FNIP1: variants seen among roughly 807,000 people sequenced by gnomAD.
FNIP1 encodes the protein folliculin-interacting protein 1.
Under a neutral mutation model 124.5 loss-of-function variants are expected in FNIP1, and 40 were observed. The observed-to-expected ratio is 0.32, with a 90% CI of 0.25 to 0.42. FNIP1 has a LOEUF of 0.42. Among genes scored for constraint, FNIP1 ranks in the 10% least tolerant of loss-of-function variants. The pLI, the probability that FNIP1 is intolerant of heterozygous loss-of-function variation, is 1.00. For synonymous variants in FNIP1, 472 were observed against 470.6 expected (o/e 1.00, Z -0.04); for missense variants, 1,176 against 1,403.7 (o/e 0.84, Z 2.59).
At position 131,737,741 on chromosome 5, in the gene FNIP1, T is replaced by C. The variant is rs183730989; in HGVS notation, c.220-6703A>G. Among the ~76,000 whole-genome samples, 342 of 152,358 alleles carry C rather than the reference T, an allele frequency of 2.2e-3. 1 individual carries two copies. The highest frequency in any genetic ancestry group is 7.8e-3 in the African/African-American group (324 of 41,586). Reference sequence around the variant, plus strand: ...AGTTAGCTGCTGCTATCATTATTACTTTTATTAGACATACTTGGAATACAC... The same window carrying C: ...AGTTAGCTGCTGCTATCATTATTACCTTTATTAGACATACTTGGAATACAC... On this transcript the variant is annotated intron_variant, in intron 2 of 17. Coordinates refer to ENST00000510461, the MANE Select transcript of FNIP1 (RefSeq NM_133372.3).
At chr5:131,661,532 G>C (rs1417183184) in intron 15 of FNIP1, among the ~76,000 whole-genome samples, 1 of 152,172 alleles carries the variant, frequency 6.6e-6, no homozygotes, top group African/African-American at 2.4e-5. Flanking sequence ...AAAGTGACTA[G>C]TGTCTGTTTT....
At chr5:131,764,053 C>G (rs1442401170) in intron 1 of FNIP1, among the ~76,000 whole-genome samples, 1 of 151,978 alleles carries the variant, frequency 6.6e-6, no homozygotes, top group African/African-American at 2.4e-5. Context: ...CTCTTGAGAT[C>G]TGGTTGTTTA....
intron 11 of FNIP1, among the ~76,000 whole-genome samples, chr5:131,686,393 G>T (rs1249955244): frequency 6.6e-6 from 1 of 152,108 alleles, no homozygotes; most frequent in Non-Finnish European, 1.5e-5. Flanking sequence ...CACCCAGGCT[G>T]AAGTGCAGTG....
chr5:131,746,014 G>A (rs1770666144), intron 1 of FNIP1, among the ~76,000 whole-genome samples: 1 of 152,144 alleles, frequency 6.6e-6, no homozygotes, highest in Admixed American at 6.5e-5. Context: ...AGATAGTGCT[G>A]ACATGGATCT....
At chr5:131,706,645 A>C in intron 8 of FNIP1, 99 bp from the exon 9 acceptor site, 1 of 1,236,712 alleles carries the variant, frequency 8.1e-7, no homozygotes, top group Non-Finnish European at 1.1e-6. Context: ...GTTAAACTTT[A>C]TTTTGCTTCA....
chr5:131,691,125 C>A (rs149848222), intron 11 of FNIP1, among the ~76,000 whole-genome samples: 103 of 152,228 alleles, frequency 6.8e-4, no homozygotes, highest in Middle Eastern at 3.4e-3. Context: ...CACACCTTAG[C>A]AAATTTAAAA....
At chr5:131,755,442 G>GAAGAAA (rs996728548) in intron 1 of FNIP1, among the ~76,000 whole-genome samples, 26 of 150,628 alleles carry the variant, frequency 1.7e-4, no homozygotes, top group African/African-American at 5.9e-4. Context: ...AAACGAAGAA[G>GAAGAAA]AAGAAAAAGA....
chr5:131,690,056 T>TA (rs1161572877), intron 11 of FNIP1, among the ~76,000 whole-genome samples: 3 of 151,600 alleles, frequency 2.0e-5, no homozygotes, highest in Non-Finnish European at 4.4e-5. Context: ...CCATCTCTAC[T>TA]AAAAATACAA....
At position 131,644,715 on chromosome 5, in the gene FNIP1, G is replaced by C; in HGVS notation, c.3471C>G (p.His1157Gln). 1 of 1,613,964 alleles carries C rather than the reference G, an allele frequency of 6.2e-7. No individual in the cohort carries two copies. Among genetic ancestry groups the C allele is most frequent in the Non-Finnish European group, 8.5e-7 (1 of 1,179,932 alleles). The change falls in exon 18 of 18, where the codon CAC becomes CAG. Residue 1157 changes from histidine (H) to glutamine (Q), a missense_variant. This residue lies in a region of FNIP1 where 67 missense variants were observed against 115.2 expected (regional missense o/e 0.58). Coordinates refer to ENST00000510461, the MANE Select transcript of FNIP1 (RefSeq NM_133372.3). The part of the protein sequence containing the change: ...LPLLAAVAST[H>Q]SPYVAQILL ...GGAGTATTTGTGCAACATATGGAGA[G>C]TGAGTGCTTGCTACAGCAGCCAGAA...
At chr5:131,698,517 G>C (rs914760058) in intron 11 of FNIP1, among the ~76,000 whole-genome samples, 2 of 152,174 alleles carry the variant, frequency 1.3e-5, no homozygotes, top group Non-Finnish European at 2.9e-5. Context: ...AAGCCATTTA[G>C]AATATCAAGT....
At chr5:131,726,070 T>C (rs1051110833) in intron 3 of FNIP1, among the ~76,000 whole-genome samples, 2 of 152,146 alleles carry the variant, frequency 1.3e-5, no homozygotes, top group Non-Finnish European at 2.9e-5. Flanking sequence ...GATAGGCTTT[T>C]TGGTGTGCTG....
At chr5:131,709,342 A>C (rs946789426) in intron 7 of FNIP1, 70 bp from the exon 8 acceptor site, 1 of 1,309,282 alleles carries the variant, frequency 7.6e-7, no homozygotes, top group African/African-American at 1.5e-5. Flanking sequence ...GCTCCTTTTA[A>C]ATAGCAAACG....
At chr5:131,767,200 G>A (rs548655625) in intron 1 of FNIP1, among the ~76,000 whole-genome samples, 7 of 152,102 alleles carry the variant, frequency 4.6e-5, no homozygotes, top group South Asian at 4.1e-4. Context: ...TTGGGAGGCC[G>A]AGGTGGGCAG....
chr5:131,734,676 G>T (rs1020332085), intron 2 of FNIP1, among the ~76,000 whole-genome samples: 3 of 152,186 alleles, frequency 2.0e-5, no homozygotes, highest in African/African-American at 7.2e-5. Flanking sequence ...CCTCTCAAAA[G>T]AAGACATTTA....
intron 1 of FNIP1, among the ~76,000 whole-genome samples, chr5:131,747,503 C>T (rs1770721423): frequency 6.6e-6 from 1 of 152,054 alleles, no homozygotes; most frequent in Non-Finnish European, 1.5e-5. Context: ...GCTTTCATAC[C>T]ATGCAAAGGA....
In FNIP1 at chr5:131,770,055, C is replaced by T. The variant is rs181961955; in HGVS notation, c.93-25365G>A. On this transcript the variant is annotated intron_variant, in intron 1 of 17. Coordinates refer to ENST00000510461, the MANE Select transcript of FNIP1 (RefSeq NM_133372.3). ...TATCTATAACAAATTGAGGTTCATG[C>T]AGTAAACAAGAAAACACAATAGTTC... Among the ~76,000 whole-genome samples the T allele has an allele frequency of 1.2e-4, 19 of 152,316 alleles. No homozygotes were observed. The East Asian group carries it at 2.3e-3, about 19-fold the overall frequency.
intron 3 of FNIP1, among the ~76,000 whole-genome samples, chr5:131,725,396 T>G (rs1015680545): frequency 5.9e-5 from 9 of 152,210 alleles, no homozygotes; most frequent in Middle Eastern, 3.2e-3. Flanking sequence ...TTTGTAGTTC[T>G]CCTTGAAGAG....
chr5:131,791,801 C>G (rs912489144), intron 1 of FNIP1, among the ~76,000 whole-genome samples: 4 of 151,912 alleles, frequency 2.6e-5, no homozygotes, highest in African/African-American at 9.7e-5. Flanking sequence ...CTAAGAATGG[C>G]TTTTATTAAG....
At chr5:131,660,994 G>GCCTC (rs2149509741) in intron 15 of FNIP1, among the ~76,000 whole-genome samples, 1 of 152,330 alleles carries the variant, frequency 6.6e-6, no homozygotes, top group Non-Finnish European at 1.5e-5. Flanking sequence ...TGGTGCCAAT[G>GCCTC]CCTCCTTCCT....
Sources: allele counts gnomAD v4.1 joint callset (sites outside exome capture counted in the v4.1 genomes callset), GRCh38; gene constraint gnomAD v4.1.1; regional missense constraint gnomAD v4.1.1; transcripts MANE v1.5; gene names NCBI Gene and HGNC (gene_info 2026-07-23, HGNC 2026-07-21).